Variants in EXOSC10 observed in about 807,000 individuals in gnomAD.
The protein encoded by EXOSC10 is exosome component 10.
Under a neutral mutation model 126.6 loss-of-function variants are expected in EXOSC10, and 94 were observed. The ratio of observed to expected loss-of-function variants is 0.74; its 90% CI spans 0.63 to 0.88. EXOSC10 has a LOEUF of 0.88. EXOSC10 is among the 40% of genes least tolerant of loss of function. The pLI, the probability that EXOSC10 is intolerant of heterozygous loss-of-function variation, is 0.00. For synonymous variants in EXOSC10, 395 were observed against 400.8 expected, an observed-to-expected ratio of 0.99 and a Z score of 0.17; for missense variants, 1,041 against 1,100.5, an observed-to-expected ratio of 0.95 and a Z score of 0.77.
At chr1:11,087,674 C>T (rs1306371731) in intron 8 of EXOSC10, 83 bp from the exon 9 acceptor site, 3 of 1,550,336 alleles carry the variant, frequency 1.9e-6, no homozygotes, top group East Asian at 2.3e-5. Context: ...AAGTCAGCTA[C>T]AAAGCTAAGT....
chr1:11,095,916 T>A (rs1418547904), intron 2 of EXOSC10, 35 bp from the exon 3 acceptor site: 4 of 1,603,822 alleles, frequency 2.5e-6, no homozygotes, highest in Non-Finnish European at 3.4e-6. Flanking sequence ...GCTTGTAGAT[T>A]TTTATTTCAC....
chr1:11,079,912 G>A (rs1640051532), intron 13 of EXOSC10, 90 bp from the exon 14 acceptor site: 1 of 1,050,966 alleles, frequency 9.5e-7, no homozygotes, highest in Non-Finnish European at 1.4e-6. Flanking sequence ...GGTAAAGCCA[G>A]GCTGCCACCT....
intron 17 of EXOSC10, among the ~76,000 whole-genome samples, chr1:11,076,157 C>T (rs1639805005): frequency 6.6e-6 from 1 of 151,858 alleles, no homozygotes; most frequent in South Asian, 2.1e-4. Flanking sequence ...AAGAGCGAAA[C>T]TCCATCTCAA....
chr1:11,095,790 C>A lies in EXOSC10; in HGVS notation c.340G>T (p.Val114Phe). The A allele has an allele frequency of 6.2e-7, 1 of 1,614,132 alleles. No homozygotes were observed. The highest frequency in any genetic ancestry group is 8.5e-7 in the Non-Finnish European group (1 of 1,179,958). The change falls in exon 3 of 25, where the codon GTT becomes TTT. Residue 114 changes from valine to phenylalanine, a missense_variant. Transcript: ENST00000376936. ...TCCAGAATTACATCATTGGCATCAACTAGTAAATCAAACTTGTCTTCCAGC... is the reference window on the plus strand; with the variant it reads ...TCCAGAATTACATCATTGGCATCAAATAGTAAATCAAACTTGTCTTCCAGC... ...TELEDKFDLL[V>F]DANDVILERV...
chr1:11,068,938 C>A, intron 22 of EXOSC10: 1 of 571,926 alleles, frequency 1.7e-6, no homozygotes, highest in Non-Finnish European at 3.1e-6. Context: ...GTCCCAGGAC[C>A]TTAGGGGCAG....
In EXOSC10 at chr1:11,080,703, T is replaced by C. The variant is rs1640114559; in HGVS notation, c.1586+61A>G. The C allele has an allele frequency of 1.9e-6, 3 of 1,604,450 alleles. No individual in the cohort carries two copies. In the South Asian group the frequency reaches 3.4e-5, roughly 18 times the overall value. ...TAGCAAAAGAAAAAAGCCCATTATTTACTTGTTATTAGATCTCCTCAGTCT... is the reference window on the plus strand; with the variant it reads ...TAGCAAAAGAAAAAAGCCCATTATTCACTTGTTATTAGATCTCCTCAGTCT... On this transcript the variant is annotated intron_variant, in intron 12 of 24. Transcript: ENST00000376936.
intron 24 of EXOSC10, 102 bp downstream of exon 24, chr1:11,067,906 C>T (rs1639202008): frequency 1.0e-6 from 1 of 972,890 alleles, no homozygotes; most frequent in Non-Finnish European, 1.6e-6. Context: ...TGGTTGAAGA[C>T]CCCTGGACAC....
At chr1:11,087,643 C>A in intron 8 of EXOSC10, 52 bp from the exon 9 acceptor site, 1 of 1,588,740 alleles carries the variant, frequency 6.3e-7, no homozygotes, top group Non-Finnish European at 8.6e-7. Context: ...TTATATTAGA[C>A]TTTCCTTTAC....
Position 11,081,140 on chromosome 1 carries a change from T to C in EXOSC10, c.1379A>G (p.Asn460Ser), listed in dbSNP as rs1640144786. Reference sequence around the variant, plus strand: ...CACCTGCAGCTGCACCGGCTGCCCGTTGCCGCGCTCCCACATCTCCAGCCT... The same window carrying C: ...CACCTGCAGCTGCACCGGCTGCCCGCTGCCGCGCTCCCACATCTCCAGCCT... ...KMRLEMWERG[N>S]GQPVQLQVVW... The change falls in exon 11 of 25, where the codon AAC (asparagine) becomes AGC (serine). Residue 460 changes from asparagine (N) to serine (S), a missense_variant. This residue lies in a region of EXOSC10 where 645 missense variants were observed against 656.3 expected (regional missense o/e 0.98). Transcript: ENST00000376936. The C allele has an allele frequency of 1.9e-6, 3 of 1,614,162 alleles. No individual in the cohort carries two copies. The highest frequency in any genetic ancestry group is 2.5e-6 in the Non-Finnish European group (3 of 1,180,030).
intron 9 of EXOSC10, among the ~76,000 whole-genome samples, chr1:11,084,023 A>G (rs1640347544): frequency 6.6e-6 from 1 of 152,168 alleles, no homozygotes; most frequent in African/African-American, 2.4e-5. Flanking sequence ...AATCCAGTCT[A>G]TCATTGTTGG....
At chr1:11,087,723 T>C in intron 8 of EXOSC10, 77 bp downstream of exon 8, 1 of 1,470,080 alleles carries the variant, frequency 6.8e-7, no homozygotes, top group Non-Finnish European at 9.3e-7. Flanking sequence ...TTACAATTAG[T>C]ATTAATTTTA....
In EXOSC10 at chr1:11,088,027, A is replaced by T. The variant is rs1266984941; in HGVS notation, c.834+96T>A. On this transcript the variant is annotated intron_variant, in intron 7 of 24. Coordinates refer to ENST00000376936, the MANE Select transcript of EXOSC10 (RefSeq NM_001001998.3). ...AAAACTGTAACTTTCTCCCTTAAAG[A>T]TCTTCAAGGAAAGTCAAAATTGCAT... 3.1e-6 allele frequency: 4 copies of T among 1,283,434 alleles called. No individual in the cohort carries two copies. In the East Asian group the frequency reaches 9.3e-5, roughly 30 times the overall value. 79.5% of individuals were successfully genotyped at this position (1,283,434 alleles called of 1,614,324 possible). A position where few individuals can be genotyped will look rare whatever the true frequency, so the allele number is the denominator to read the frequency against.
At chr1:11,080,320 T>C (rs1640072296) in intron 13 of EXOSC10, among the ~76,000 whole-genome samples, 179 bp downstream of exon 13, 1 of 152,168 alleles carries the variant, frequency 6.6e-6, no homozygotes, top group Non-Finnish European at 1.5e-5. Flanking sequence ...GAAGTTTTAG[T>C]GCTTAAATGG....
At chr1:11,079,562 T>C (rs1418747752) in intron 14 of EXOSC10, 149 bp downstream of exon 14, 1 of 569,456 alleles carries the variant, frequency 1.8e-6, no homozygotes, top group Non-Finnish European at 3.1e-6. Flanking sequence ...CTGGCTAATT[T>C]TTTGTATTTT....
chr1:11,074,074 C>A (rs867863524), intron 18 of EXOSC10, 66 bp from the exon 19 acceptor site: 6 of 1,500,650 alleles, frequency 4.0e-6, no homozygotes, highest in Non-Finnish European at 4.6e-6. Flanking sequence ...GGGGCAGAAG[C>A]GCTCAGATGG....
At chr1:11,087,672 T>A in intron 8 of EXOSC10, 81 bp from the exon 9 acceptor site, 1 of 1,555,484 alleles carries the variant, frequency 6.4e-7, no homozygotes, top group Non-Finnish European at 8.7e-7. Context: ...AAAAGTCAGC[T>A]ACAAAGCTAA....
At chr1:11,068,397 C>G (rs1639240454) in intron 23 of EXOSC10, 1 of 592,806 alleles carries the variant, frequency 1.7e-6, no homozygotes, top group Non-Finnish European at 3.0e-6. Context: ...TGCTTTTGGC[C>G]TGCAGCTATA....
chr1:11,073,979 G>T lies in EXOSC10; in HGVS notation c.2112C>A (p.Pro704=), dbSNP rs200016047. The T allele has an allele frequency of 6.2e-7, 1 of 1,613,842 alleles. No individual in the cohort carries two copies. The highest frequency in any genetic ancestry group is 1.1e-5 in the South Asian group (1 of 91,060). Residue 704 remains proline, a synonymous_variant, in exon 19 of 25, where the codon CCC becomes CCA. Transcript: ENST00000376936. ...MFLPSLGHRA[P]VSQAAKFDPS... The stretch of plus-strand genomic sequence containing the variant: ...GATCGAACTTCGCTGCCTGAGAGAC[G>T]GGAGCACGGTGTCCCAGTGAGGGCA...
chr1:11,095,988 C>CT (rs374028571), intron 2 of EXOSC10, 107 bp from the exon 3 acceptor site: 86,975 of 883,302 alleles, frequency 0.098, 41 homozygotes, highest in South Asian at 0.1. Context: ...CCCAACACAT[C>CT]TTTTTTTTTT....
Sources: allele counts gnomAD v4.1 joint callset (sites outside exome capture counted in the v4.1 genomes callset), GRCh38; gene constraint gnomAD v4.1.1; regional missense constraint gnomAD v4.1.1; transcripts MANE v1.5; gene names NCBI Gene and HGNC (gene_info 2026-07-23, HGNC 2026-07-21).